CHRM2: variants seen among roughly 807,000 people sequenced by gnomAD.
The protein encoded by CHRM2 is muscarinic acetylcholine receptor M2.
Under a neutral mutation model 25.0 loss-of-function variants are expected in CHRM2, and 8 were observed. The ratio of observed to expected loss-of-function variants is 0.32; its 90% CI spans 0.19 to 0.58. The LOEUF is 0.58. Ranked by LOEUF, CHRM2 falls within the 20% of genes least tolerant of loss-of-function variation. The probability of loss-of-function intolerance (pLI) is 0.88; values close to 1 mark genes in which losing one functional copy is unlikely to be tolerated. For missense variants in CHRM2, 440 were observed against 567.1 expected (o/e 0.78, Z 2.28); for synonymous variants, 202 against 205.7 (o/e 0.98, Z 0.15).
intron 3 of CHRM2, among the ~76,000 whole-genome samples, chr7:136,999,061 T>A (rs1803802919): frequency 6.6e-6 from 1 of 152,198 alleles, no homozygotes; most frequent in Non-Finnish European, 1.5e-5. Flanking sequence ...GTAGGTTTAT[T>A]TAATTTAGTC....
chr7:137,010,778 CTGAG>C (rs981862196), intron 3 of CHRM2, among the ~76,000 whole-genome samples: 37 of 152,034 alleles, frequency 2.4e-4, no homozygotes, highest in African/African-American at 8.9e-4. Flanking sequence ...TGTGTTCTAC[CTGAG>C]TAAGAATTCC....
intron 2 of CHRM2, among the ~76,000 whole-genome samples, chr7:136,957,916 A>C (rs1800819624): frequency 6.6e-6 from 1 of 152,250 alleles, no homozygotes; most frequent in Non-Finnish European, 1.5e-5. Context: ...TATCAAACTG[A>C]AATTTGACAC....
chr7:136,965,300 G>A (rs1409722142), intron 2 of CHRM2, among the ~76,000 whole-genome samples: 1 of 151,852 alleles, frequency 6.6e-6, no homozygotes, highest in Non-Finnish European at 1.5e-5. Context: ...CCTAAATAGA[G>A]ACAATCTAAA....
intron 2 of CHRM2, among the ~76,000 whole-genome samples, chr7:136,896,089 A>G (rs1796888110): frequency 6.6e-6 from 1 of 152,230 alleles, no homozygotes; most frequent in Admixed American, 6.5e-5. Flanking sequence ...CATTTGAACA[A>G]TGTGAACAAT....
At chr7:136,906,534 T>C (rs1463748507) in intron 2 of CHRM2, among the ~76,000 whole-genome samples, 1 of 151,900 alleles carries the variant, frequency 6.6e-6, no homozygotes, top group Admixed American at 6.6e-5. Flanking sequence ...TGTAGAATTA[T>C]TACTTTGCTA....
At chr7:136,977,968 T>C (rs574964001) in intron 2 of CHRM2, among the ~76,000 whole-genome samples, 24 of 152,184 alleles carry the variant, frequency 1.6e-4, no homozygotes, top group Non-Finnish European at 1.9e-4. Context: ...TAATCAGTTA[T>C]GGTATTCCCG....
chr7:136,894,728 G>C, intron 2 of CHRM2, among the ~76,000 whole-genome samples: 1 of 152,168 alleles, frequency 6.6e-6, no homozygotes, highest in South Asian at 2.1e-4. Flanking sequence ...AGAAAAAAAT[G>C]TTCTTAATGG....
intron 2 of CHRM2, among the ~76,000 whole-genome samples, chr7:136,915,765 T>G (rs1798069652): frequency 6.6e-6 from 1 of 151,762 alleles, no homozygotes; most frequent in African/African-American, 2.4e-5. Flanking sequence ...TGCGCCAACC[T>G]CAGTGAATTC....
intron 3 of CHRM2, among the ~76,000 whole-genome samples, chr7:137,011,215 G>GTGTGTGTGTGTGTGTGTGTATATATATA: frequency 7.4e-6 from 1 of 134,284 alleles, no homozygotes; most frequent in African/African-American, 3.2e-5. Flanking sequence ...GTGTGTGTGT[G>GTGTGTGTGTGTGTGTGTGTATATATATA]TATATATATA....
chr7:136,900,757 T>C (rs753017996), intron 2 of CHRM2, among the ~76,000 whole-genome samples: 2 of 152,078 alleles, frequency 1.3e-5, no homozygotes, highest in Non-Finnish European at 2.9e-5. Context: ...CTAGAGGCTG[T>C]AAACACCCGA....
chr7:136,941,181 T>G (rs1375824315), intron 2 of CHRM2, among the ~76,000 whole-genome samples: 1 of 152,206 alleles, frequency 6.6e-6, no homozygotes, highest in Non-Finnish European at 1.5e-5. Context: ...CTACCGCTGT[T>G]ATATCAGCCT....
intron 2 of CHRM2, among the ~76,000 whole-genome samples, chr7:136,894,432 T>C (rs1472970928): frequency 1.3e-5 from 2 of 152,112 alleles, no homozygotes; most frequent in Non-Finnish European, 2.9e-5. Flanking sequence ...ACTGCAGTGG[T>C]GCGATCTCGG....
At chr7:136,984,709 G>C (rs1012514385) in intron 2 of CHRM2, among the ~76,000 whole-genome samples, 3 of 152,120 alleles carry the variant, frequency 2.0e-5, no homozygotes, top group East Asian at 3.9e-4. Context: ...GGAGTTCCCT[G>C]ACCCCTTGCA....
At chr7:136,894,983 G>C (rs1294371555) in intron 2 of CHRM2, among the ~76,000 whole-genome samples, 1 of 151,996 alleles carries the variant, frequency 6.6e-6, no homozygotes, top group African/African-American at 2.4e-5. Flanking sequence ...TTTCCCCCGA[G>C]TCAGCATTCT....
rs185790305 is a variant in CHRM2 at position 136,968,133 on chromosome 7, G to A, written c.-124-24054G>A. 5.0e-3 allele frequency among the ~76,000 whole-genome samples: 756 copies of A among 151,952 alleles called. 5 individuals are homozygous for A. The highest frequency in any genetic ancestry group is 8.3e-3 in the Non-Finnish European group (561 of 67,864). ...ACGTATATATGGTGAAATGCTTAGC[G>A]TATTCACCACCTCACATACTTATTT... is the stretch of plus-strand genomic sequence containing the variant. On this transcript the variant is annotated intron_variant, in intron 2 of 3. Coordinates refer to ENST00000680005, the MANE Select transcript of CHRM2 (RefSeq NM_001006630.2).
At chr7:136,931,275 G>GATA (rs1379747344) in intron 2 of CHRM2, among the ~76,000 whole-genome samples, 1 of 152,188 alleles carries the variant, frequency 6.6e-6, no homozygotes, top group Non-Finnish European at 1.5e-5. Flanking sequence ...CACAAAGACA[G>GATA]ATAGAGATTT....
chr7:136,949,799 G>T (rs1217644822), intron 2 of CHRM2, among the ~76,000 whole-genome samples: 1 of 151,702 alleles, frequency 6.6e-6, no homozygotes, highest in Non-Finnish European at 1.5e-5. Flanking sequence ...GAGTGCAGTG[G>T]CGCGATCTCG....
chr7:137,003,521 C>T, intron 3 of CHRM2, among the ~76,000 whole-genome samples: 1 of 73,238 alleles, frequency 1.4e-5, no homozygotes, highest in African/African-American at 5.9e-5. Context: ...CACACACACA[C>T]ACACACACAC....
At chr7:137,005,104 C>T (rs1183432734) in intron 3 of CHRM2, among the ~76,000 whole-genome samples, 1 of 152,000 alleles carries the variant, frequency 6.6e-6, no homozygotes, top group Non-Finnish European at 1.5e-5. Context: ...TGGGGGTGAA[C>T]TGGTTTCTCT....
Sources: allele counts gnomAD v4.1 joint callset (sites outside exome capture counted in the v4.1 genomes callset), GRCh38; gene constraint gnomAD v4.1.1; transcripts MANE v1.5; gene names NCBI Gene and HGNC (gene_info 2026-07-23, HGNC 2026-07-21).